Variants in A2M observed in about 807,000 individuals in gnomAD.
The protein encoded by A2M is alpha-2-macroglobulin.
A neutral mutation model predicts 183.9 loss-of-function variants in A2M; 128 were observed. That is an observed-to-expected ratio of 0.70 (90% CI 0.60 to 0.81). A2M has a LOEUF of 0.81. Ranked by LOEUF, A2M falls within the 30% of genes least tolerant of loss-of-function variation. The probability of loss-of-function intolerance (pLI) is 0.00; values close to 1 mark genes in which losing one functional copy is unlikely to be tolerated. For synonymous variants in A2M, 592 were observed against 670.8 expected (o/e 0.88, Z 1.81); for missense variants, 1,495 against 1,787.6 (o/e 0.84, Z 2.95).
intron 28 of A2M, among the ~76,000 whole-genome samples, chr12:9,075,076 A>G (rs1351912078): frequency 6.6e-6 from 1 of 152,110 alleles, no homozygotes; most frequent in Non-Finnish European, 1.5e-5. Flanking sequence ...GAGTCTGGCT[A>G]TTTCCTATTT....
At chr12:9,099,734 C>T (rs1035727992) in intron 13 of A2M, among the ~76,000 whole-genome samples, 3 of 152,166 alleles carry the variant, frequency 2.0e-5, no homozygotes, top group African/African-American at 7.2e-5. Flanking sequence ...TCAGCTCACC[C>T]ACCTAATGTT....
At chr12:9,115,583 T>C in intron 1 of A2M, 181 bp downstream of exon 1, 1 of 558,682 alleles carries the variant, frequency 1.8e-6, no homozygotes, top group Non-Finnish European at 3.2e-6. Flanking sequence ...TTCAGAGAGT[T>C]GGGGAAGAAT....
At chr12:9,080,873 A>T (rs1201208366) in intron 22 of A2M, among the ~76,000 whole-genome samples, 2 of 151,872 alleles carry the variant, frequency 1.3e-5, no homozygotes, top group East Asian at 1.9e-4. Context: ...AATGTTTCTT[A>T]AAAAAAAGCC....
rs372695298 is a variant in A2M, at chr12:9,109,353, C to A, written c.726G>T (p.Leu242Phe). Residue 242 changes from leucine to phenylalanine, a missense_variant, in exon 7 of 36, where the codon TTG becomes TTT. Leu to Phe is a conservative substitution (Grantham distance 22, BLOSUM62 0). Transcript: ENST00000318602. ...QVTVPKIITI[L>F]EEEMNVSVCG... Reference sequence around the variant, plus strand: ...ACACTGATACATTCATCTCTTCTTCCAAGATGGTGATTATCTTTGGCACTG... The same window carrying A: ...ACACTGATACATTCATCTCTTCTTCAAAGATGGTGATTATCTTTGGCACTG... 4.2e-5 allele frequency: 67 copies of A among 1,613,292 alleles called. No individual in the cohort carries two copies. The highest frequency in any genetic ancestry group is 3.3e-4 in the Middle Eastern group (2 of 6,080).
intron 16 of A2M, among the ~76,000 whole-genome samples, 152 bp from the exon 17 acceptor site, chr12:9,095,236 G>T (rs1949337702): frequency 6.6e-6 from 1 of 152,092 alleles, no homozygotes. Flanking sequence ...ATATACTTAA[G>T]GATGTAATTT....
At position 9,113,437 on chromosome 12, in the gene A2M, C is replaced by A; in HGVS notation, c.193G>T (p.Glu65Ter). The change falls in exon 2 of 36, where the codon GAG becomes TAG. Residue 65 changes from glutamate (E) to a stop codon, truncating the protein, a stop_gained. Transcript: ENST00000318602. LOFTEE classifies it high-confidence loss of function. ...AGGCTCCTGTTTCCCCTGACAGACT[C>A]CAAGGAAGCACTTACAGTCACTGTC... ...NETVTVSASL[E>*]SVRGNRSLFT... The A allele has an allele frequency of 6.2e-7, 1 of 1,613,858 alleles. No individual in the cohort carries two copies. Among genetic ancestry groups the A allele is most frequent in the Non-Finnish European group, 8.5e-7 (1 of 1,179,936 alleles).
At chr12:9,107,257 G>GT (rs1204130762) in intron 8 of A2M, among the ~76,000 whole-genome samples, 2 of 152,088 alleles carry the variant, frequency 1.3e-5, no homozygotes, top group Non-Finnish European at 2.9e-5. Context: ...GAGGTGTATG[G>GT]TTTTTTCCTT....
chr12:9,068,574 A>G (rs1009664177), intron 34 of A2M, among the ~76,000 whole-genome samples, 166 bp downstream of exon 34: 2 of 152,252 alleles, frequency 1.3e-5, no homozygotes, highest in East Asian at 1.9e-4. Flanking sequence ...GGTTGTTTCT[A>G]TAATGTATGT....
At chr12:9,095,371 A>C (rs73051926) in intron 16 of A2M, among the ~76,000 whole-genome samples, 168 bp downstream of exon 16, 4,710 of 152,356 alleles carry the variant, frequency 0.031, 113 homozygotes, top group Non-Finnish European at 0.049. Flanking sequence ...GTTCCAGCTT[A>C]GTTCAGCAGC....
Position 9,110,041 on chromosome 12 carries a change from T to A in A2M, c.505-6A>T. On this transcript the variant is annotated splice_region_variant and splice_polypyrimidine_tract_variant and intron_variant, in intron 5 of 35. Transcript: ENST00000318602. ...ATGCGATTTCCTTTGGGATCCTATA[T>A]GAGTAAATTAATTATAACTTACAAA... 6.2e-7 allele frequency: 1 copy of A among 1,600,278 alleles called. No homozygotes were observed. Among genetic ancestry groups the A allele is most frequent in the South Asian group, 1.1e-5 (1 of 88,534 alleles).
chr12:9,107,053 T>C (rs1938347857), intron 8 of A2M, among the ~76,000 whole-genome samples: 1 of 152,232 alleles, frequency 6.6e-6, no homozygotes, highest in Non-Finnish European at 1.5e-5. Flanking sequence ...AAATACACAG[T>C]ACATCTGCTC....
At position 9,093,525 on chromosome 12, in the gene A2M, T is replaced by G; in HGVS notation, c.2180A>C (p.His727Pro). Residue 727 changes from histidine (H) to proline (P), a missense_variant, in exon 18 of 36, where the codon CAC (histidine) becomes CCC (proline). His to Pro is a moderately conservative substitution (Grantham distance 77). Transcript: ENST00000318602. ...HARLVHVEEP[H>P]TETVRKYFPE... ...GAAGTACTTTCGTACGGTCTCCGTG[T>G]GAGGCTCTTCAACATGCACCAGGCG... is the stretch of plus-strand genomic sequence containing the variant. The G allele has an allele frequency of 6.2e-7, 1 of 1,613,474 alleles. No individual in the cohort carries two copies. Among genetic ancestry groups the G allele is most frequent in the East Asian group, 2.2e-5 (1 of 44,856 alleles).
chr12:9,077,478 T>C (rs1592337777), intron 26 of A2M, 58 bp from the exon 27 acceptor site: 1 of 1,520,564 alleles, frequency 6.6e-7, no homozygotes, highest in Non-Finnish European at 9.0e-7. Flanking sequence ...TATTGATTAG[T>C]TCTTTCTATT....
chr12:9,080,047 T>C (rs745737839), intron 23 of A2M, 47 bp downstream of exon 23: 3 of 1,218,210 alleles, frequency 2.5e-6, no homozygotes, highest in Non-Finnish European at 3.4e-6. Context: ...AAAAATAGTA[T>C]AATAGAAGCT....
At chr12:9,091,037 T>G (rs903096100) in intron 19 of A2M, among the ~76,000 whole-genome samples, 164 bp downstream of exon 19, 2 of 152,212 alleles carry the variant, frequency 1.3e-5, no homozygotes, top group African/African-American at 4.8e-5. Flanking sequence ...AAACTTGCTT[T>G]ATGGTGCAAT....
At chr12:9,078,854 T>C (rs1948823751) in intron 25 of A2M, among the ~76,000 whole-genome samples, 1 of 152,174 alleles carries the variant, frequency 6.6e-6, no homozygotes, top group African/African-American at 2.4e-5. Flanking sequence ...CTCTTATTAA[T>C]GAATTCATTC....
In A2M at chr12:9,076,908, C is replaced by A. The variant is rs1324794603; in HGVS notation, c.3380G>T (p.Cys1127Phe). The part of the protein sequence containing the change: ...THPVVRNALF[C>F]LESAWKTAQE... ...TGCTGTCTTCCAGGCTGACTCCAGGCAAAACAGGGCATTGCGGACAACAGG... is the reference window on the plus strand; with the variant it reads ...TGCTGTCTTCCAGGCTGACTCCAGGAAAAACAGGGCATTGCGGACAACAGG... The change falls in exon 28 of 36, where the codon TGC becomes TTC. Residue 1127 changes from cysteine to phenylalanine, a missense_variant. Cys to Phe is a radical substitution (Grantham distance 205). Coordinates refer to ENST00000318602, the MANE Select transcript of A2M (RefSeq NM_000014.6). 2.5e-6 allele frequency: 4 copies of A among 1,604,830 alleles called. No homozygotes were observed. The African/African-American group carries it at 4.0e-5, about 16-fold the overall frequency.
intron 32 of A2M, among the ~76,000 whole-genome samples, 189 bp from the exon 33 acceptor site, chr12:9,070,002 C>T (rs576984199): frequency 4.6e-5 from 7 of 152,266 alleles, no homozygotes; most frequent in Admixed American, 2.6e-4. Context: ...GTATAACACA[C>T]GACTAATGTG....
At chr12:9,099,310 T>C in intron 14 of A2M, 71 bp downstream of exon 14, 3 of 1,446,240 alleles carry the variant, frequency 2.1e-6, no homozygotes, top group Non-Finnish European at 1.9e-6. Flanking sequence ...TGTTCACATG[T>C]GTAAAACAAA....
Sources: allele counts gnomAD v4.1 joint callset (sites outside exome capture counted in the v4.1 genomes callset), GRCh38; gene constraint gnomAD v4.1.1; transcripts MANE v1.5; gene names NCBI Gene and HGNC (gene_info 2026-07-23, HGNC 2026-07-21).